Variants in RABL6 observed in about 807,000 individuals in gnomAD.
RABL6 encodes RAB, member RAS oncogene family like 6, also known as rab-like protein 6.
Under a neutral mutation model 72.9 loss-of-function variants are expected in RABL6, and 28 were observed. That is an observed-to-expected ratio of 0.38 (90% CI 0.28 to 0.53). RABL6 has a LOEUF of 0.53. Ranked by LOEUF, RABL6 falls within the 20% of genes least tolerant of loss-of-function variation. The pLI, the probability that RABL6 is intolerant of heterozygous loss-of-function variation, is 0.80. For synonymous variants in RABL6, 477 were observed against 421.2 expected (o/e 1.13, Z -1.62); for missense variants, 1,029 against 1,008.4 (o/e 1.02, Z -0.28).
intron 2 of RABL6, among the ~76,000 whole-genome samples, chr9:136,824,974 C>T (rs1486475180): frequency 6.6e-6 from 1 of 152,184 alleles, no homozygotes; most frequent in South Asian, 2.1e-4. Flanking sequence ...TGTGTGAGGG[C>T]CCCGGGCGTG....
chr9:136,839,341 C>G lies in RABL6; in HGVS notation c.1613C>G (p.Pro538Arg), dbSNP rs752978848. Residue 538 changes from proline to arginine, a missense_variant, in exon 12 of 15, where the codon CCC becomes CGC. By Grantham distance (103) the Pro-to-Arg change is moderately radical. Around this residue, in one of 2 missense-constraint regions of RABL6, gnomAD observed 595 missense variants for 472.4 expected, o/e 1.26. Coordinates refer to ENST00000311502, the MANE Select transcript of RABL6 (RefSeq NM_024718.5). ...TGPEKRSSTR[P>R]PAEMEPGKGE... is the part of the protein sequence containing the mutation. ...CCGGAGAAGCGCAGCAGCACCAGGC[C>G]CCCTGCTGAGATGGAGCCGGGGAAG... 2 of 1,612,700 alleles carry G rather than the reference C, an allele frequency of 1.2e-6. No individual in the cohort carries two copies. The highest frequency in any genetic ancestry group is 1.7e-6 in the Non-Finnish European group (2 of 1,179,790).
At chr9:136,809,133 G>A (rs1847945739) in intron 1 of RABL6, 1 of 152,396 alleles carries the variant, frequency 6.6e-6, no homozygotes, top group African/African-American at 2.4e-5. Context: ...TTTCTATGAG[G>A]TTTTAGGACG....
At position 136,839,727 on chromosome 9, in the gene RABL6, G is replaced by A. The variant is rs762442502; in HGVS notation, c.1792G>A (p.Val598Met). ...DFPVRDDPSD[V>M]TDEDEGPAEP... is the part of the protein sequence containing the mutation. ...TCCCGTGCGAGATGACCCCTCCGAT[G>A]TGACTGACGAGGATGAGGGCCCTGC... The change falls in exon 13 of 15, where the codon GTG becomes ATG. Residue 598 changes from valine (V) to methionine (M), a missense_variant. By Grantham distance (21) the Val-to-Met change is conservative. This residue lies in a region of RABL6 where 595 missense variants were observed against 472.4 expected (regional missense o/e 1.26). Coordinates refer to ENST00000311502, the MANE Select transcript of RABL6 (RefSeq NM_024718.5). The A allele has an allele frequency of 1.4e-5, 23 of 1,606,508 alleles. No homozygotes were observed. The highest frequency in any genetic ancestry group is 6.0e-6 in the Non-Finnish European group (7 of 1,175,798).
intron 1 of RABL6, chr9:136,813,158 G>A (rs959317787): frequency 3.2e-5 from 15 of 462,526 alleles, no homozygotes; most frequent in Non-Finnish European, 5.2e-5. Flanking sequence ...GACAGTTTTA[G>A]ATGGCTGGCT....
chr9:136,819,269 C>T lies in RABL6; in HGVS notation c.131-4256C>T, dbSNP rs569693713. On this transcript the variant is annotated intron_variant, in intron 1 of 14. Coordinates refer to ENST00000311502, the MANE Select transcript of RABL6 (RefSeq NM_024718.5). ...CCCGGGAGGCGGAGCTTGCAGTGAG[C>T]CGAGATGGTGCCACTGCACTCCAGC... Among the ~76,000 whole-genome samples the T allele has an allele frequency of 4.1e-3, 621 of 150,402 alleles. 3 individuals are homozygous for T. The highest frequency in any genetic ancestry group is 6.6e-3 in the Non-Finnish European group (449 of 67,792).
intron 1 of RABL6, chr9:136,821,367 G>A: frequency 1.0e-6 from 1 of 985,462 alleles, no homozygotes; most frequent in South Asian, 4.7e-5. Context: ...CACCGCATGT[G>A]GAAACCACCG....
At chr9:136,830,203 G>T (rs990041191) in intron 5 of RABL6, among the ~76,000 whole-genome samples, 8 of 152,256 alleles carry the variant, frequency 5.3e-5, no homozygotes, top group African/African-American at 1.4e-4. Flanking sequence ...TGGCCTGGGG[G>T]CCTAGTCAGC....
In RABL6 at chr9:136,823,673, G is replaced by T. The variant is rs760093558; in HGVS notation, c.265+14G>T. The T allele has an allele frequency of 3.4e-5, 54 of 1,598,402 alleles. No homozygotes were observed. The highest frequency in any genetic ancestry group is 4.6e-5 in the Non-Finnish European group (54 of 1,169,470). The stretch of plus-strand genomic sequence containing the variant: ...GGAGCTACAAGAGTAAGTGTGGTGG[G>T]TGCCCCAGTGGGTTCGGGCTCCAGG... On this transcript the variant is annotated intron_variant, in intron 2 of 14. Transcript: ENST00000311502.
At chr9:136,819,925 T>C (rs1848203517) in intron 1 of RABL6, among the ~76,000 whole-genome samples, 1 of 151,848 alleles carries the variant, frequency 6.6e-6, no homozygotes, top group Non-Finnish European at 1.5e-5. Flanking sequence ...AAACTAGGCA[T>C]GGGGTGGTGG....
rs970098357 is a variant in RABL6 at position 136,826,388 on chromosome 9, C to T, written c.313+562C>T. Among the ~76,000 whole-genome samples, 4 of 152,172 alleles carry T rather than the reference C, an allele frequency of 2.6e-5. No individual in the cohort carries two copies. The highest frequency in any genetic ancestry group is 5.9e-5 in the Non-Finnish European group (4 of 68,018). On this transcript the variant is annotated intron_variant, in intron 3 of 14. Coordinates refer to ENST00000311502, the MANE Select transcript of RABL6 (RefSeq NM_024718.5). This position sits in a 1 kb window ranked among gnomAD's most constrained non-coding sequence, Gnocchi z 4.9. ...ATGGCCCTCCCCGGGGCCCATGGTC[C>T]GTGTGCATGTGTGGTGTGTGCAGGG...
At chr9:136,824,671 A>C (rs1190995859) in intron 2 of RABL6, among the ~76,000 whole-genome samples, 1 of 152,086 alleles carries the variant, frequency 6.6e-6, no homozygotes, top group Non-Finnish European at 1.5e-5. Context: ...CAAAAAAAAA[A>C]AAACTAGTGG....
chr9:136,825,884 AG>A (rs1306754464), intron 3 of RABL6, 58 bp downstream of exon 3: 10 of 1,560,192 alleles, frequency 6.4e-6, no homozygotes, highest in Non-Finnish European at 8.8e-6. Context: ...CTGCGCAGAG[AG>A]GCTTCCTTTC....
In RABL6 at chr9:136,815,731, A is replaced by G. The variant is rs140592560; in HGVS notation, c.130+7405A>G. Among the ~76,000 whole-genome samples the G allele has an allele frequency of 8.5e-5, 13 of 152,332 alleles. No homozygotes were observed. In the East Asian group the frequency reaches 2.1e-3, roughly 25 times the overall value. ...AACCTTCATGCATCTGAGATAAATC[A>G]TAAGCTCTTCTTGGTATGAAAATGT... On this transcript the variant is annotated intron_variant, in intron 1 of 14. Coordinates refer to ENST00000311502, the MANE Select transcript of RABL6 (RefSeq NM_024718.5).
chr9:136,812,670 T>C (rs1848036745), intron 1 of RABL6: 1 of 203,636 alleles, frequency 4.9e-6, no homozygotes, highest in Non-Finnish European at 1.0e-5. Flanking sequence ...ACCACAGGAC[T>C]GTAGACTGTC....
intron 1 of RABL6, among the ~76,000 whole-genome samples, chr9:136,822,822 C>T (rs1848268097): frequency 6.6e-6 from 1 of 152,254 alleles, no homozygotes; most frequent in Non-Finnish European, 1.5e-5. Flanking sequence ...CTCGCAGTGG[C>T]TCACGTCTGT....
At chr9:136,837,032 C>T (rs1355493758) in intron 8 of RABL6, 4 of 470,564 alleles carry the variant, frequency 8.5e-6, no homozygotes, top group African/African-American at 5.9e-5. Flanking sequence ...CGCCACCACA[C>T]CCGGCTAATT....
intron 11 of RABL6, 40 bp downstream of exon 11, chr9:136,839,161 G>A (rs376815044): frequency 2.0e-4 from 329 of 1,605,042 alleles, no homozygotes; most frequent in African/African-American, 3.6e-4. Context: ...CTGGAGACCC[G>A]GGTGGGGCAG....
chr9:136,830,420 G>T (rs1039521984), intron 5 of RABL6, among the ~76,000 whole-genome samples: 1 of 152,256 alleles, frequency 6.6e-6, no homozygotes, highest in African/African-American at 2.4e-5. Context: ...AGGACTGACC[G>T]CAGGCACCCT....
Position 136,841,173 on chromosome 9 carries a change from T to C in RABL6, c.*651T>C, listed in dbSNP as rs1588377618. The C allele has an allele frequency of 1.2e-5, 8 of 692,958 alleles. No individual in the cohort carries two copies. In the East Asian group the frequency reaches 2.6e-4, roughly 22 times the overall value. The allele number at this position is 692,958 out of a possible 1,614,324, so 42.9% of individuals were successfully genotyped here. On this transcript the variant is annotated 3_prime_UTR_variant, in exon 15 of 15. Coordinates refer to ENST00000311502, the MANE Select transcript of RABL6 (RefSeq NM_024718.5). ...ACACTCCACTCAGACCATAAAGCAC[T>C]CCTGTTTCACTCTGCGTGTGTCTGT...
Sources: gnomAD v4.1 joint callset for allele counts (sites outside exome capture counted in the v4.1 genomes callset) on GRCh38, gnomAD v4.1.1 for gene constraint, gnomAD v4.1.1 regional missense constraint, Gnocchi (gnomAD v3.1) non-coding constraint, MANE v1.5 for transcripts, NCBI Gene and HGNC (gene_info 2026-07-23, HGNC 2026-07-21) for gene names.